EMID1: variants seen among roughly 807,000 people sequenced by gnomAD.
EMID1 encodes EMI domain-containing protein 1.
A neutral mutation model predicts 60.6 loss-of-function variants in EMID1; 40 were observed. The ratio of observed to expected loss-of-function variants is 0.66; its 90% confidence interval spans 0.51 to 0.86. The LOEUF is 0.86. Among genes scored for constraint, EMID1 ranks in the 40% least tolerant of loss-of-function variants. EMID1 has a pLI of 0.00. For synonymous variants in EMID1, 242 were observed against 231.0 expected, an observed-to-expected ratio of 1.05 and a Z score of -0.43; for missense variants, 585 against 597.1, an observed-to-expected ratio of 0.98 and a Z score of 0.21.
intron 13 of EMID1, among the ~76,000 whole-genome samples, chr22:29,244,364 G>C (rs1451277160): frequency 6.6e-6 from 1 of 152,140 alleles, no homozygotes; most frequent in African/African-American, 2.4e-5. Flanking sequence ...GCCGAGGCGG[G>C]TAGATAACTT....
chr22:29,240,568 T>A (rs1162038808), intron 12 of EMID1, among the ~76,000 whole-genome samples: 3 of 152,206 alleles, frequency 2.0e-5, no homozygotes, highest in Non-Finnish European at 4.4e-5. Flanking sequence ...AAACCCCTCG[T>A]GGCCTCTGGA....
chr22:29,211,580 C>T (rs949040704), intron 1 of EMID1, among the ~76,000 whole-genome samples: 2 of 151,472 alleles, frequency 1.3e-5, no homozygotes, highest in African/African-American at 4.9e-5. Flanking sequence ...GTACATATGC[C>T]TGTGTGTGTC....
rs1389147160 is a variant in EMID1 at position 29,238,939 on chromosome 22, G to A, written c.1075-4506G>A. Among the ~76,000 whole-genome samples, 3 of 143,970 alleles carry A rather than the reference G, an allele frequency of 2.1e-5. 1 individual carries two copies. Among genetic ancestry groups the A allele is most frequent in the Non-Finnish European group, 3.0e-5 (2 of 66,990 alleles). 94.4% of individuals were successfully genotyped at this position (143,970 alleles called of 152,430 possible). The stretch of plus-strand genomic sequence containing the variant: ...TATATGGTATTCCCTTATCTTCCTA[G>A]ATCTGTGGTTTGGTGTCTGACATTT... On this transcript the variant is annotated intron_variant, in intron 12 of 14. Coordinates refer to ENST00000334018, the MANE Select transcript of EMID1 (RefSeq NM_133455.4).
chr22:29,223,001 G>A (rs2040356214), intron 3 of EMID1, among the ~76,000 whole-genome samples: 1 of 152,148 alleles, frequency 6.6e-6, no homozygotes, highest in Non-Finnish European at 1.5e-5. Context: ...TGAGGAAGGA[G>A]AATCGCTTGA....
intron 3 of EMID1, among the ~76,000 whole-genome samples, chr22:29,221,727 C>G (rs1568976251): frequency 6.6e-6 from 1 of 152,160 alleles, no homozygotes; most frequent in Non-Finnish European, 1.5e-5. Context: ...TGGCTTCTTC[C>G]TTACTGGAAT....
chr22:29,230,070 C>T (rs1438584612), intron 5 of EMID1, among the ~76,000 whole-genome samples: 1 of 152,138 alleles, frequency 6.6e-6, no homozygotes, highest in Non-Finnish European at 1.5e-5. Context: ...TGGTGGCTCA[C>T]GCCTGTAATC....
intron 9 of EMID1, 43 bp downstream of exon 9, chr22:29,233,511 A>G: frequency 1.9e-6 from 3 of 1,609,900 alleles, no homozygotes; most frequent in Non-Finnish European, 2.6e-6. Context: ...AAGTTGGTAG[A>G]TGGCAGAGGG....
chr22:29,254,976 T>G (rs570243564), intron 14 of EMID1, among the ~76,000 whole-genome samples: 1 of 152,314 alleles, frequency 6.6e-6, no homozygotes, highest in South Asian at 2.1e-4. Flanking sequence ...CAGTTTTCCC[T>G]TTGGTCCTCC....
intron 13 of EMID1, among the ~76,000 whole-genome samples, chr22:29,244,980 TAGTG>T (rs1354215979): frequency 2.0e-5 from 3 of 152,074 alleles, no homozygotes; most frequent in Admixed American, 1.3e-4. Context: ...AGTCACAAGT[TAGTG>T]AGGATGTGGG....
chr22:29,228,810 G>A (rs1433244754), intron 5 of EMID1, among the ~76,000 whole-genome samples: 2 of 152,056 alleles, frequency 1.3e-5, no homozygotes, highest in African/African-American at 2.4e-5. Flanking sequence ...TTCCTAAACT[G>A]GTCCTGAACT....
At chr22:29,233,301 T>C in intron 8 of EMID1, 78 bp from the exon 9 acceptor site, 1 of 1,519,864 alleles carries the variant, frequency 6.6e-7, no homozygotes, top group Non-Finnish European at 9.1e-7. Flanking sequence ...GTCCAAGCTG[T>C]CTTGGCAGAG....
chr22:29,227,799 A>C (rs990325083), intron 5 of EMID1, among the ~76,000 whole-genome samples: 1 of 151,804 alleles, frequency 6.6e-6, no homozygotes, highest in African/African-American at 2.4e-5. Context: ...GTGGATCACA[A>C]GGTCAGGAGT....
rs1367125143 is a variant in EMID1 at position 29,233,480 on chromosome 22, C to A, written c.913+12C>A. The A allele has an allele frequency of 2.5e-6, 4 of 1,613,706 alleles. No individual in the cohort carries two copies. The highest frequency in any genetic ancestry group is 1.1e-5 in the South Asian group (1 of 91,060). Reference sequence around the variant, plus strand: ...TCCAGGGCCCATGGGTAAGTTGAGTCCAGGCCAGGGGTAAAGGGTGAAGTT... The same window carrying A: ...TCCAGGGCCCATGGGTAAGTTGAGTACAGGCCAGGGGTAAAGGGTGAAGTT... On this transcript the variant is annotated intron_variant, in intron 9 of 14. Transcript: ENST00000334018.
At chr22:29,236,391 CTA>C (rs2040949606) in intron 12 of EMID1, among the ~76,000 whole-genome samples, 1 of 152,020 alleles carries the variant, frequency 6.6e-6, no homozygotes, top group African/African-American at 2.4e-5. Context: ...GACCTTGCCT[CTA>C]AAACATAACT....
intron 3 of EMID1, among the ~76,000 whole-genome samples, chr22:29,221,441 C>A (rs143247566): frequency 2.6e-5 from 4 of 152,296 alleles, no homozygotes; most frequent in African/African-American, 9.6e-5. Flanking sequence ...GTGGCGCGAT[C>A]TCGGCTCACT....
At chr22:29,229,695 G>A (rs2040658058) in intron 5 of EMID1, among the ~76,000 whole-genome samples, 1 of 150,932 alleles carries the variant, frequency 6.6e-6, no homozygotes, top group Admixed American at 6.6e-5. Context: ...GGAAAACCAA[G>A]CTTCCAAATA....
At chr22:29,253,868 G>T in intron 13 of EMID1, 1 of 979,862 alleles carries the variant, frequency 1.0e-6, no homozygotes. Context: ...AGGACAGGAG[G>T]GCTCCCAGCA....
intron 6 of EMID1, 66 bp from the exon 7 acceptor site, chr22:29,231,527 G>A: frequency 6.0e-6 from 9 of 1,500,836 alleles, no homozygotes; most frequent in South Asian, 1.2e-5. Flanking sequence ...TGGTTGGGGG[G>A]CTGGGGCCAG....
At chr22:29,233,492 T>A (rs552425023) in intron 9 of EMID1, 24 bp downstream of exon 9, 73 of 1,612,102 alleles carry the variant, frequency 4.5e-5, no homozygotes, top group Non-Finnish European at 5.7e-5. Context: ...AGGCCAGGGG[T>A]AAAGGGTGAA....
Sources: allele counts gnomAD v4.1 joint callset (sites outside exome capture counted in the v4.1 genomes callset), GRCh38; gene constraint gnomAD v4.1.1; transcripts MANE v1.5; gene names NCBI Gene and HGNC (gene_info 2026-07-23, HGNC 2026-07-21).